Variants in CTNNA3 observed in about 807,000 individuals in gnomAD.
The protein encoded by CTNNA3 is catenin alpha 3, also known as catenin alpha-3.
In CTNNA3, 76 loss-of-function variants were observed where a neutral mutation model predicts 95.7. The ratio of observed to expected loss-of-function variants is 0.79; its 90% CI spans 0.66 to 0.96. CTNNA3 has a LOEUF of 0.96. Ranked by LOEUF, CTNNA3 falls within the 40% of genes least tolerant of loss-of-function variation. CTNNA3 has a pLI of 0.00. For missense variants in CTNNA3, 1,191 were observed against 1,089.8 expected (o/e 1.09, Z -1.31); for synonymous variants, 431 against 374.4 (o/e 1.15, Z -1.74).
intron 11 of CTNNA3, among the ~76,000 whole-genome samples, chr10:66,470,542 T>C (rs1313704181): frequency 6.6e-6 from 1 of 151,924 alleles, no homozygotes; most frequent in Non-Finnish European, 1.5e-5. Context: ...GAATGAAGCA[T>C]TCTAAAGCAG....
intron 2 of CTNNA3, among the ~76,000 whole-genome samples, chr10:67,645,715 T>C (rs1382255450): frequency 2.0e-5 from 3 of 151,948 alleles, no homozygotes; most frequent in Non-Finnish European, 4.4e-5. Flanking sequence ...AGCAGAGCAA[T>C]ATTTATAATA....
At chr10:66,000,541 A>C (rs76842571) in intron 15 of CTNNA3, among the ~76,000 whole-genome samples, 1 of 152,164 alleles carries the variant, frequency 6.6e-6, no homozygotes, top group East Asian at 1.9e-4. Flanking sequence ...TATTCCCTAA[A>C]TCGTTGAAAA....
intron 7 of CTNNA3, among the ~76,000 whole-genome samples, chr10:67,006,664 T>G (rs1852009057): frequency 6.6e-6 from 1 of 152,200 alleles, no homozygotes. Flanking sequence ...AAAACTTGAG[T>G]AATTATGATG....
intron 7 of CTNNA3, among the ~76,000 whole-genome samples, chr10:66,896,619 G>T (rs1287773770): frequency 1.3e-5 from 2 of 152,098 alleles, no homozygotes; most frequent in East Asian, 3.9e-4. Flanking sequence ...TGCCTAAAAG[G>T]TTCCTTTTTT....
chr10:67,279,578 G>T (rs540607201), intron 5 of CTNNA3, among the ~76,000 whole-genome samples: 20 of 138,888 alleles, frequency 1.4e-4, no homozygotes, highest in African/African-American at 5.0e-4. Flanking sequence ...TGGTAAATTG[G>T]CACTTTACAT....
rs115303495 is a variant in CTNNA3 at position 66,192,501 on chromosome 10, T to C, written c.1884+87969A>G. On this transcript the variant is annotated intron_variant, in intron 13 of 17. Transcript: ENST00000433211. The stretch of plus-strand genomic sequence containing the variant: ...AGTGAACTCCACAAGTTCATAATGG[T>C]CTCAGAAGTTATAGAGAATAAGCAA... 8.3e-3 allele frequency among the ~76,000 whole-genome samples: 1,264 copies of C among 152,268 alleles called. 13 individuals carry two copies. The highest frequency in any genetic ancestry group is 0.028 in the African/African-American group (1,182 of 41,560).
At chr10:66,174,114 G>T (rs1400431847) in intron 13 of CTNNA3, among the ~76,000 whole-genome samples, 1 of 152,094 alleles carries the variant, frequency 6.6e-6, no homozygotes, top group African/African-American at 2.4e-5. Flanking sequence ...TTTAGGTAAA[G>T]AAACTGAGGC....
At chr10:66,302,257 T>C (rs2091872903) in intron 12 of CTNNA3, among the ~76,000 whole-genome samples, 1 of 152,058 alleles carries the variant, frequency 6.6e-6, no homozygotes, top group African/African-American at 2.4e-5. Flanking sequence ...TGATGTACAA[T>C]CAAGTTAATA....
intron 12 of CTNNA3, among the ~76,000 whole-genome samples, chr10:66,363,820 A>G (rs118027307): frequency 0.018 from 2,813 of 152,294 alleles, 29 homozygotes; most frequent in Non-Finnish European, 0.03. Context: ...ATTCCAATCC[A>G]ATAATAACAA....
At chr10:66,519,509 G>C (rs1434596578) in intron 11 of CTNNA3, among the ~76,000 whole-genome samples, 1 of 152,100 alleles carries the variant, frequency 6.6e-6, no homozygotes, top group Non-Finnish European at 1.5e-5. Flanking sequence ...GGACAAACCT[G>C]CCTCCCATTC....
At chr10:66,516,456 G>A (rs1023721133) in intron 11 of CTNNA3, among the ~76,000 whole-genome samples, 4 of 152,086 alleles carry the variant, frequency 2.6e-5, no homozygotes, top group African/African-American at 9.7e-5. Context: ...ATTGTGGCTG[G>A]TCTAAGCCTA....
chr10:66,681,110 G>T (rs560855024), intron 9 of CTNNA3, among the ~76,000 whole-genome samples: 1 of 152,300 alleles, frequency 6.6e-6, no homozygotes, highest in African/African-American at 2.4e-5. Context: ...GCATTTGGAT[G>T]CATATTTATT....
chr10:66,520,864 A>G, intron 10 of CTNNA3, 91 bp from the exon 11 acceptor site: 1 of 680,046 alleles, frequency 1.5e-6, no homozygotes, highest in Non-Finnish European at 2.4e-6. Context: ...CTTCACCACT[A>G]TGCAATATAT....
Position 65,936,338 on chromosome 10 carries a change from A to G in CTNNA3, c.2401-15721T>C, listed in dbSNP as rs569624865. On this transcript the variant is annotated intron_variant, in intron 17 of 17. Transcript: ENST00000433211. ...AATTGTTTTGAATATATAAACAACC[A>G]TGAAACCAAATATATTTATGAAATA... Among the ~76,000 whole-genome samples the G allele has an allele frequency of 2.6e-5, 4 of 152,222 alleles. No homozygotes were observed. The East Asian group carries it at 5.8e-4, about 22-fold the overall frequency.
At chr10:66,379,799 T>C (rs1027424482) in intron 11 of CTNNA3, among the ~76,000 whole-genome samples, 2 of 152,214 alleles carry the variant, frequency 1.3e-5, no homozygotes, top group African/African-American at 4.8e-5. Flanking sequence ...CCAGAGAAAG[T>C]TGCCTACTCT....
At chr10:67,177,486 TATC>T in intron 7 of CTNNA3, among the ~76,000 whole-genome samples, 1 of 152,198 alleles carries the variant, frequency 6.6e-6, no homozygotes, top group Non-Finnish European at 1.5e-5. Flanking sequence ...TTTTCATGCT[TATC>T]ATCAAGCATT....
At chr10:66,002,407 A>G (rs1195761936) in intron 15 of CTNNA3, among the ~76,000 whole-genome samples, 1 of 152,216 alleles carries the variant, frequency 6.6e-6, no homozygotes, top group African/African-American at 2.4e-5. Context: ...TTGGGATTCA[A>G]GTCTGAAAAA....
intron 11 of CTNNA3, among the ~76,000 whole-genome samples, chr10:66,511,859 A>T (rs1183054227): frequency 1.3e-5 from 2 of 151,994 alleles, no homozygotes; most frequent in Non-Finnish European, 2.9e-5. Context: ...AATGTTCTGT[A>T]AATGTCTATT....
intron 9 of CTNNA3, among the ~76,000 whole-genome samples, chr10:66,739,626 A>G (rs1849260489): frequency 1.3e-5 from 2 of 152,266 alleles, no homozygotes; most frequent in African/African-American, 4.8e-5. Flanking sequence ...GCTATTTAAA[A>G]GCTAGTTGGA....
Sources: allele counts gnomAD v4.1 joint callset (sites outside exome capture counted in the v4.1 genomes callset), GRCh38; gene constraint gnomAD v4.1.1; transcripts MANE v1.5; gene names NCBI Gene and HGNC (gene_info 2026-07-23, HGNC 2026-07-21).